TMEM177: variants seen among roughly 807,000 people sequenced by gnomAD.
TMEM177 encodes transmembrane protein 177.
Under a neutral mutation model 14.2 loss-of-function variants are expected in TMEM177, and 4 were observed. The ratio of observed to expected loss-of-function variants is 0.28; its 90% confidence interval spans 0.14 to 0.64. The LOEUF (loss-of-function observed/expected upper bound fraction) is 0.64. TMEM177 is among the 30% of genes least tolerant of loss of function. The probability of loss-of-function intolerance (pLI) is 0.82; values close to 1 mark genes in which losing one functional copy is unlikely to be tolerated. For synonymous variants in TMEM177, 179 were observed against 174.5 expected, an observed-to-expected ratio of 1.03 and a Z score of -0.20; for missense variants, 344 against 405.2, an observed-to-expected ratio of 0.85 and a Z score of 1.30.
chr2:119,691,448 G>A (rs141081689), downstream of TMEM177, among the ~76,000 whole-genome samples: 18 of 152,204 alleles, frequency 1.2e-4, no homozygotes, highest in East Asian at 2.3e-3. Context: ...GCTGGCCCAG[G>A]GTGATACTTT....
the TMEM177 span, among the ~76,000 whole-genome samples, chr2:119,717,522 A>G: frequency 6.7e-6 from 1 of 149,728 alleles, no homozygotes; most frequent in Non-Finnish European, 1.5e-5. Flanking sequence ...GGTGGTGGAT[A>G]CACCTTTTGT....
At chr2:119,682,276 T>C (rs962690667), downstream of TMEM177, among the ~76,000 whole-genome samples, 1 of 151,974 alleles carries the variant, frequency 6.6e-6, no homozygotes, top group African/African-American at 2.4e-5. Context: ...GTGAGCCACC[T>C]CGCCCAGCCT....
chr2:119,721,633 T>G, the TMEM177 span, among the ~76,000 whole-genome samples: 4 of 152,154 alleles, frequency 2.6e-5, no homozygotes, highest in African/African-American at 9.7e-5. Flanking sequence ...ACCGTGCCCT[T>G]TAACGTGTGG....
the TMEM177 span, among the ~76,000 whole-genome samples, chr2:119,705,281 C>T: frequency 6.7e-3 from 1,016 of 152,258 alleles, 4 homozygotes; most frequent in Non-Finnish European, 0.011. Context: ...GCTGGGTCCT[C>T]GGCTCAGGGA....
At chr2:119,693,811 A>G in the TMEM177 span, among the ~76,000 whole-genome samples, 1 of 79,264 alleles carries the variant, frequency 1.3e-5, no homozygotes. Flanking sequence ...CATACACATC[A>G]CACATATCAC....
chr2:119,690,643 CG>C (rs1689079373), downstream of TMEM177, among the ~76,000 whole-genome samples: 1 of 152,184 alleles, frequency 6.6e-6, no homozygotes, highest in African/African-American at 2.4e-5. Flanking sequence ...ACATGCCACA[CG>C]GACGGCAGTG....
At chr2:119,708,641 G>GCA in the TMEM177 span, among the ~76,000 whole-genome samples, 1 of 111,222 alleles carries the variant, frequency 9.0e-6, no homozygotes, top group African/African-American at 4.2e-5. Flanking sequence ...ACAATCACAC[G>GCA]CAGACACACA....
At chr2:119,698,236 G>A in the TMEM177 span, among the ~76,000 whole-genome samples, 2 of 152,106 alleles carry the variant, frequency 1.3e-5, no homozygotes, top group Admixed American at 6.6e-5. Context: ...TAATCTTTCC[G>A]CTTATTTGAT....
chr2:119,711,980 A>C, the TMEM177 span, among the ~76,000 whole-genome samples: 1 of 152,100 alleles, frequency 6.6e-6, no homozygotes, highest in Non-Finnish European at 1.5e-5. Context: ...CAGCTCCGGC[A>C]GCAGAATTTC....
downstream of TMEM177, among the ~76,000 whole-genome samples, chr2:119,690,006 G>A (rs1048619405): frequency 1.4e-4 from 22 of 152,124 alleles, no homozygotes; most frequent in Non-Finnish European, 2.6e-4. Context: ...CTTGCTCCCC[G>A]CTAGAGGTCA....
chr2:119,689,570 C>T (rs1048673639), downstream of TMEM177, among the ~76,000 whole-genome samples: 2 of 152,236 alleles, frequency 1.3e-5, no homozygotes, highest in African/African-American at 2.4e-5. Flanking sequence ...ATCCTATTAT[C>T]CCCATCTTAC....
At chr2:119,719,612 GGTT>G in the TMEM177 span, among the ~76,000 whole-genome samples, 10 of 152,186 alleles carry the variant, frequency 6.6e-5, no homozygotes, top group African/African-American at 2.4e-4. Context: ...TTTTGTTTGA[GGTT>G]GTTGTTCCCA....
At chr2:119,701,215 T>C in the TMEM177 span, among the ~76,000 whole-genome samples, 1 of 151,528 alleles carries the variant, frequency 6.6e-6, no homozygotes, top group Non-Finnish European at 1.5e-5. Flanking sequence ...AAAAAAGGAG[T>C]TGCTTCCTGG....
the TMEM177 span, among the ~76,000 whole-genome samples, chr2:119,714,527 G>A: frequency 7.9e-5 from 12 of 152,216 alleles, no homozygotes; most frequent in Non-Finnish European, 1.5e-4. Context: ...GTGGGACAAA[G>A]CATGGGTGCC....
chr2:119,713,114 G>T, the TMEM177 span, among the ~76,000 whole-genome samples: 2 of 151,350 alleles, frequency 1.3e-5, no homozygotes, highest in African/African-American at 4.9e-5. Context: ...TTGTTGCCCA[G>T]GCTGGAGTGC....
At chr2:119,701,446 T>C in the TMEM177 span, among the ~76,000 whole-genome samples, 4,267 of 152,096 alleles carry the variant, frequency 0.028, 103 homozygotes, top group African/African-American at 0.072. Flanking sequence ...GTTGAGGGGA[T>C]TGAGAGCAGA....
chr2:119,720,400 T>C, the TMEM177 span, among the ~76,000 whole-genome samples: 1 of 151,918 alleles, frequency 6.6e-6, no homozygotes, highest in Non-Finnish European at 1.5e-5. Context: ...TCAGCCTCCC[T>C]AGTAGCTGGG....
At chr2:119,682,552 C>T (rs1305682969), downstream of TMEM177, among the ~76,000 whole-genome samples, 4 of 152,236 alleles carry the variant, frequency 2.6e-5, no homozygotes, top group Middle Eastern at 3.4e-3. Flanking sequence ...ATGCAGATGG[C>T]ACACTCAGGG....
At chr2:119,707,063 C>T in the TMEM177 span, among the ~76,000 whole-genome samples, 1 of 152,010 alleles carries the variant, frequency 6.6e-6, no homozygotes, top group South Asian at 2.1e-4. Context: ...AGGCGCCCAC[C>T]ACAACGCCCA....
Sources: gnomAD v4.1 joint callset for allele counts (sites outside exome capture counted in the v4.1 genomes callset) on GRCh38, gnomAD v4.1.1 for gene constraint, MANE v1.5 for transcripts, NCBI Gene and HGNC (gene_info 2026-07-23, HGNC 2026-07-21) for gene names.